Variants in PLG observed in about 807,000 individuals in gnomAD.
PLG encodes the protein plasminogen.
In PLG, 41 loss-of-function variants were observed where a neutral mutation model predicts 104.4. That is an observed-to-expected ratio of 0.39 (90% CI 0.31 to 0.51). The LOEUF is 0.51. Ranked by LOEUF, PLG falls within the 20% of genes least tolerant of loss-of-function variation. The probability of loss-of-function intolerance (pLI) is 0.76; values close to 1 mark genes in which losing one functional copy is unlikely to be tolerated. For missense variants in PLG, 891 were observed against 1,003.6 expected (o/e 0.89, Z 1.52); for synonymous variants, 337 against 357.1 (o/e 0.94, Z 0.63).
rs776003920 is a variant in PLG at position 160,752,158 on chromosome 6, G to A, written c.2169G>A (p.Val723=). 1 of 1,612,690 alleles carries A rather than the reference G, an allele frequency of 6.2e-7. No homozygotes were observed. Among genetic ancestry groups the A allele is most frequent in the Admixed American group, 1.7e-5 (1 of 60,018 alleles). ...AGLLKEAQLP[V]IENKVCNRYE... is the part of the protein sequence containing the mutation. ...TTCTCAAGGAAGCCCAGCTCCCTGTGATTGAGAATAAAGTGTGCAATCGCT... is the reference window on the plus strand; with the variant it reads ...TTCTCAAGGAAGCCCAGCTCCCTGTAATTGAGAATAAAGTGTGCAATCGCT... Residue 723 remains valine (V), a synonymous_variant, in exon 18 of 19, where the codon GTG becomes GTA. Transcript: ENST00000308192. The surrounding 1 kb of genome is among the most constrained non-coding windows in gnomAD (Gnocchi z 4.7).
chr6:160,722,680 C>A, intron 10 of PLG, 113 bp downstream of exon 10: 1 of 908,626 alleles, frequency 1.1e-6, no homozygotes, highest in South Asian at 1.4e-5. Context: ...CTCTTAGACC[C>A]AGAATGTGTA....
intron 9 of PLG, 66 bp downstream of exon 9, chr6:160,718,904 A>G (rs933636056): frequency 7.6e-7 from 1 of 1,321,364 alleles, no homozygotes; most frequent in Non-Finnish European, 1.1e-6. Flanking sequence ...TACCAGTGGC[A>G]TCATCACAAT....
At position 160,734,501 on chromosome 6, in the gene PLG, T is replaced by C. The variant is rs991033900; in HGVS notation, c.1681+413T>C. On this transcript the variant is annotated intron_variant, in intron 13 of 18. Coordinates refer to ENST00000308192, the MANE Select transcript of PLG (RefSeq NM_000301.5). The surrounding 1 kb of genome is among the most constrained non-coding windows in gnomAD (Gnocchi z 4.4). ...GAAACAGGTAAGCATGTAACGCACA[T>C]TGTAAACCTCAGATGGCCATCCTAG... 2.0e-5 allele frequency among the ~76,000 whole-genome samples: 3 copies of C among 152,150 alleles called. No individual in the cohort carries two copies. Among genetic ancestry groups the C allele is most frequent in the Non-Finnish European group, 2.9e-5 (2 of 68,032 alleles).
chr6:160,716,830 A>C (rs1330682622), intron 7 of PLG, 67 bp downstream of exon 7: 4 of 943,896 alleles, frequency 4.2e-6, no homozygotes, highest in Non-Finnish European at 7.0e-6. Context: ...AAAAGAAAAC[A>C]TGTGTCAGTG....
chr6:160,737,504 A>C lies in PLG; in HGVS notation c.1802+497A>C, dbSNP rs1778106228. ...GAGGCTACTCATCCATTCGCAAACA[A>C]AAAAATTCTAGGTCATGATCCCCAT... On this transcript the variant is annotated intron_variant, in intron 14 of 18. Transcript: ENST00000308192. The surrounding 1 kb of genome is among the most constrained non-coding windows in gnomAD (Gnocchi z 4.7). Among the ~76,000 whole-genome samples, 1 of 151,970 alleles carries C rather than the reference A, an allele frequency of 6.6e-6. No homozygotes were observed. The highest frequency in any genetic ancestry group is 2.4e-5 in the African/African-American group (1 of 41,428).
At position 160,752,509 on chromosome 6, in the gene PLG, A is replaced by C. The variant is rs1025719088; in HGVS notation, c.2271+249A>C. 3.9e-5 allele frequency among the ~76,000 whole-genome samples: 6 copies of C among 152,078 alleles called. No individual in the cohort carries two copies. Among genetic ancestry groups the C allele is most frequent in the African/African-American group, 1.4e-4 (6 of 41,404 alleles). On this transcript the variant is annotated intron_variant, in intron 18 of 18. Transcript: ENST00000308192. The surrounding 1 kb of genome is among the most constrained non-coding windows in gnomAD (Gnocchi z 4.7). The stretch of plus-strand genomic sequence containing the variant: ...GTGCCATAACTACCTCAGGCCACTC[A>C]CCCTCCTGGGGTGTGCTGGTGGCCA...
intron 10 of PLG, chr6:160,730,643 G>A (rs1777984584): frequency 1.8e-5 from 4 of 217,680 alleles, no homozygotes; most frequent in South Asian, 1.5e-4. Flanking sequence ...CAGTCCTATA[G>A]AGAGAAATAC....
chr6:160,751,105 C>T (rs1420995575), intron 17 of PLG, among the ~76,000 whole-genome samples: 1 of 152,174 alleles, frequency 6.6e-6, no homozygotes, highest in Non-Finnish European at 1.5e-5. Context: ...TGATTGTTTT[C>T]TAGTGGCACG....
chr6:160,715,837 CAGA>C (rs1394063037), intron 6 of PLG, among the ~76,000 whole-genome samples: 1 of 152,208 alleles, frequency 6.6e-6, no homozygotes, highest in Non-Finnish European at 1.5e-5. Flanking sequence ...TCCAGGAAAC[CAGA>C]AGGAGAAGAG....
chr6:160,751,985 C>T (rs536173604), intron 17 of PLG, 130 bp from the exon 18 acceptor site: 10 of 774,666 alleles, frequency 1.3e-5, no homozygotes, highest in Non-Finnish European at 1.8e-5. Flanking sequence ...GAGACTCCAG[C>T]GGCATTGGGA....
chr6:160,743,600 TGCC>T (rs1778230588), intron 17 of PLG, among the ~76,000 whole-genome samples: 2 of 152,216 alleles, frequency 1.3e-5, no homozygotes, highest in Admixed American at 6.5e-5. Flanking sequence ...TCATGTCATC[TGCC>T]AACAGGGATC....
Position 160,731,826 on chromosome 6 carries a change from C to T in PLG, c.1520C>T (p.Ala507Val), listed in dbSNP as rs372603134. 161 of 1,613,900 alleles carry T rather than the reference C, an allele frequency of 1.0e-4. No homozygotes were observed. The highest frequency in any genetic ancestry group is 1.5e-4 in the Admixed American group (9 of 59,994). The change falls in exon 12 of 19, where the codon GCC (alanine) becomes GTC (valine). Residue 507 changes from alanine to valine, a missense_variant. By Grantham distance (64) the Ala-to-Val change is moderately conservative (BLOSUM62 0). Coordinates refer to ENST00000308192, the MANE Select transcript of PLG (RefSeq NM_000301.5). The surrounding 1 kb of genome is among the most constrained non-coding windows in gnomAD (Gnocchi z 5.1). The part of the protein sequence containing the change: ...VTGTPCQDWA[A>V]QEPHRHSIFT... Reference sequence around the variant, plus strand: ...GGGACGCCATGCCAGGACTGGGCTGCCCAGGAGCCCCATAGACACAGCATT... The same window carrying T: ...GGGACGCCATGCCAGGACTGGGCTGTCCAGGAGCCCCATAGACACAGCATT...
intron 3 of PLG, among the ~76,000 whole-genome samples, chr6:160,710,280 T>A (rs1777615846): frequency 6.6e-6 from 1 of 152,238 alleles, no homozygotes; most frequent in African/African-American, 2.4e-5. Flanking sequence ...AAGAGCTTTG[T>A]TTCTTTTCAC....
At chr6:160,705,939 A>C in intron 1 of PLG, 1 of 174,378 alleles carries the variant, frequency 5.7e-6, no homozygotes, top group Non-Finnish European at 1.2e-5. Context: ...GTGGTTCCAT[A>C]GTTCTAACCT....
Position 160,739,654 on chromosome 6 carries a change from G to A in PLG, c.2018+446G>A, listed in dbSNP as rs903039297. Among the ~76,000 whole-genome samples the A allele has an allele frequency of 6.6e-6, 1 of 151,666 alleles. No individual in the cohort carries two copies. The highest frequency in any genetic ancestry group is 2.1e-4 in the South Asian group (1 of 4,798). On this transcript the variant is annotated intron_variant, in intron 16 of 18. Coordinates refer to ENST00000308192, the MANE Select transcript of PLG (RefSeq NM_000301.5). This position sits in a 1 kb window ranked among gnomAD's most constrained non-coding sequence, Gnocchi z 4.4. ...TGGGTGCCTGTAATCCCAGCTACTT[G>A]GGAGGCTGAGGCAGGAGGGTCACTT...
rs975737977 is a variant in PLG, at chr6:160,734,439, C to T, written c.1681+351C>T. 1.3e-5 allele frequency among the ~76,000 whole-genome samples: 2 copies of T among 152,084 alleles called. No homozygotes were observed. Among genetic ancestry groups the T allele is most frequent in the African/African-American group, 4.8e-5 (2 of 41,392 alleles). On this transcript the variant is annotated intron_variant, in intron 13 of 18. Transcript: ENST00000308192. This position sits in a 1 kb window ranked among gnomAD's most constrained non-coding sequence, Gnocchi z 4.4. The stretch of plus-strand genomic sequence containing the variant: ...ATTCGGATGAAAAACTTTCCCTTTC[C>T]ACAGCTGAGAAGTAAGAAAGAAAAT...
chr6:160,720,277 A>C (rs1212878258), intron 9 of PLG, among the ~76,000 whole-genome samples: 1 of 151,546 alleles, frequency 6.6e-6, no homozygotes, highest in East Asian at 1.9e-4. Flanking sequence ...AGATTTTCTC[A>C]TCTTTGTTTT....
At chr6:160,715,413 T>A (rs1409685644) in intron 6 of PLG, among the ~76,000 whole-genome samples, 2 of 152,354 alleles carry the variant, frequency 1.3e-5, no homozygotes, top group East Asian at 1.9e-4. Context: ...TGATGTTTTA[T>A]GTATATTTAC....
At chr6:160,710,646 C>T (rs1181410728) in intron 3 of PLG, among the ~76,000 whole-genome samples, 4 of 152,194 alleles carry the variant, frequency 2.6e-5, no homozygotes, top group Non-Finnish European at 5.9e-5. Context: ...CTCTGAAAAG[C>T]CTGCCATTCC....
Sources: allele counts gnomAD v4.1 joint callset (sites outside exome capture counted in the v4.1 genomes callset), GRCh38; gene constraint gnomAD v4.1.1; non-coding constraint Gnocchi (gnomAD v3.1); transcripts MANE v1.5; gene names NCBI Gene and HGNC (gene_info 2026-07-23, HGNC 2026-07-21).